Variants in PCSK2 observed in about 807,000 individuals in gnomAD.
PCSK2 encodes neuroendocrine convertase 2.
Under a neutral mutation model 69.7 loss-of-function variants are expected in PCSK2, and 14 were observed. The observed-to-expected ratio is 0.20, with a 90% CI of 0.13 to 0.31. PCSK2 has a LOEUF of 0.31. Ranked by LOEUF, PCSK2 falls within the 10% of genes least tolerant of loss-of-function variation. The probability of loss-of-function intolerance (pLI) is 1.00; values close to 1 mark genes in which losing one functional copy is unlikely to be tolerated. For missense variants in PCSK2, 544 were observed against 842.5 expected (o/e 0.65, Z 4.39); for synonymous variants, 307 against 320.7 (o/e 0.96, Z 0.46).
intron 1 of PCSK2, among the ~76,000 whole-genome samples, chr20:17,241,213 G>T (rs191946749): frequency 5.9e-5 from 9 of 152,244 alleles, no homozygotes; most frequent in Admixed American, 2.6e-4. Flanking sequence ...ATTTCAAGAG[G>T]TTTAAAGGAA....
chr20:17,241,950 A>G (rs1986592935), intron 1 of PCSK2, among the ~76,000 whole-genome samples: 1 of 152,200 alleles, frequency 6.6e-6, no homozygotes, highest in South Asian at 2.1e-4. Context: ...GCCTGAGGCT[A>G]GAAAGAAAGT....
At chr20:17,247,712 A>G (rs1336606917) in intron 1 of PCSK2, among the ~76,000 whole-genome samples, 1 of 152,272 alleles carries the variant, frequency 6.6e-6, no homozygotes, top group Non-Finnish European at 1.5e-5. Flanking sequence ...AATGGAGGCC[A>G]TGCCAAGGTC....
intron 1 of PCSK2, among the ~76,000 whole-genome samples, chr20:17,228,963 G>A (rs1986040981): frequency 6.6e-6 from 1 of 152,150 alleles, no homozygotes; most frequent in South Asian, 2.1e-4. Context: ...TGTGGTTTTG[G>A]CCCGTGGCCT....
chr20:17,233,715 C>T (rs184419499), intron 1 of PCSK2, among the ~76,000 whole-genome samples: 36 of 152,274 alleles, frequency 2.4e-4, no homozygotes, highest in African/African-American at 4.3e-4. Context: ...CAGCAAAAGA[C>T]GCCTGTAACA....
At chr20:17,437,137 C>CG (rs56107600) in intron 8 of PCSK2, among the ~76,000 whole-genome samples, 22 of 148,102 alleles carry the variant, frequency 1.5e-4, no homozygotes, top group Admixed American at 1.2e-3. Flanking sequence ...AGGAAGGGGC[C>CG]GGGGGGGGGA....
intron 1 of PCSK2, among the ~76,000 whole-genome samples, chr20:17,237,716 G>C (rs565096698): frequency 6.6e-6 from 1 of 152,270 alleles, no homozygotes; most frequent in South Asian, 2.1e-4. Context: ...TTTACTTAAA[G>C]AGTGATTCTA....
intron 10 of PCSK2, among the ~76,000 whole-genome samples, chr20:17,458,101 A>C (rs533150004): frequency 6.6e-6 from 1 of 152,344 alleles, no homozygotes; most frequent in South Asian, 2.1e-4. Context: ...TCATGAACTT[A>C]ATATTCTCTG....
intron 1 of PCSK2, among the ~76,000 whole-genome samples, chr20:17,244,992 A>G (rs1265994174): frequency 6.6e-6 from 1 of 151,978 alleles, no homozygotes; most frequent in Non-Finnish European, 1.5e-5. Context: ...TCCTCCTCTC[A>G]TGGGTGTGGG....
intron 10 of PCSK2, 34 bp from the exon 11 acceptor site, chr20:17,465,292 C>T (rs1600601544): frequency 2.0e-6 from 3 of 1,502,194 alleles, no homozygotes; most frequent in Non-Finnish European, 2.8e-6. Flanking sequence ...TGCCTTTTGC[C>T]CTTGCCCTCT....
rs557247397 is a variant in PCSK2, at chr20:17,243,639, A to G, written c.177+16157A>G. On this transcript the variant is annotated intron_variant, in intron 1 of 11. Transcript: ENST00000262545. ...AATTATGTCTTGTGCTCAGTTTGTA[A>G]GTCACTATTACGTAGGTGAGACCAG... 2.6e-5 allele frequency among the ~76,000 whole-genome samples: 4 copies of G among 152,322 alleles called. No homozygotes were observed. The South Asian group carries it at 8.3e-4, about 32-fold the overall frequency.
intron 6 of PCSK2, among the ~76,000 whole-genome samples, chr20:17,418,601 G>C (rs1038835365): frequency 2.6e-5 from 4 of 152,200 alleles, no homozygotes; most frequent in Non-Finnish European, 4.4e-5. Context: ...GGGCATAGAT[G>C]AGGCTCATTC....
chr20:17,310,556 G>A (rs1989472607), intron 2 of PCSK2, among the ~76,000 whole-genome samples: 1 of 151,844 alleles, frequency 6.6e-6, no homozygotes, highest in African/African-American at 2.4e-5. Context: ...AGTTATTCAA[G>A]CTATATTTTC....
intron 6 of PCSK2, among the ~76,000 whole-genome samples, chr20:17,414,373 A>C (rs2031949443): frequency 1.3e-5 from 2 of 152,246 alleles, no homozygotes; most frequent in Non-Finnish European, 2.9e-5. Flanking sequence ...ATCCCACAGA[A>C]ATACAAACTA....
At chr20:17,347,828 GAAAGAAAGAAAGAAAGAAAGA>G (rs1568612027) in intron 2 of PCSK2, among the ~76,000 whole-genome samples, 19 of 128,494 alleles carry the variant, frequency 1.5e-4, no homozygotes, top group African/African-American at 4.5e-4. Flanking sequence ...AAGAAAGAAA[GAAAGAAAGAAAGAAAGAAAGA>G]AAGAAAGAAA....
At chr20:17,308,405 T>C (rs6111495) in intron 2 of PCSK2, among the ~76,000 whole-genome samples, 19,593 of 152,192 alleles carry the variant, frequency 0.13, 1,928 homozygotes, top group East Asian at 0.53. Context: ...AGAGCCTACA[T>C]TTGGGCTAAG....
At chr20:17,393,252 C>T (rs2031429238) in intron 5 of PCSK2, among the ~76,000 whole-genome samples, 1 of 152,152 alleles carries the variant, frequency 6.6e-6, no homozygotes, top group Admixed American at 6.5e-5. Flanking sequence ...TAAGATACTT[C>T]ATTCCTTTTT....
chr20:17,265,179 C>A (rs1987547799), intron 2 of PCSK2, among the ~76,000 whole-genome samples: 1 of 152,136 alleles, frequency 6.6e-6, no homozygotes. Context: ...AAATCTCCTC[C>A]CCCTCTTTTG....
intron 2 of PCSK2, among the ~76,000 whole-genome samples, chr20:17,351,365 A>G (rs1568613861): frequency 6.6e-6 from 1 of 152,216 alleles, no homozygotes; most frequent in Non-Finnish European, 1.5e-5. Context: ...CAGCATCACC[A>G]TGATACCAAA....
chr20:17,284,145 G>T (rs1458631553), intron 2 of PCSK2, among the ~76,000 whole-genome samples: 2 of 152,198 alleles, frequency 1.3e-5, no homozygotes, highest in African/African-American at 4.8e-5. Context: ...AGTACTGTGT[G>T]AGATGGCCCA....
Sources: gnomAD v4.1 joint callset for allele counts (sites outside exome capture counted in the v4.1 genomes callset) on GRCh38, gnomAD v4.1.1 for gene constraint, MANE v1.5 for transcripts, NCBI Gene and HGNC (gene_info 2026-07-23, HGNC 2026-07-21) for gene names.